The following ADCY8 variants were observed in gnomAD, a reference collection of about 807,000 sequenced individuals.
The protein encoded by ADCY8 is adenylate cyclase 8, also known as adenylate cyclase type 8.
A neutral mutation model predicts 119.7 loss-of-function variants in ADCY8; 51 were observed. The observed-to-expected ratio is 0.43, with a 90% CI of 0.34 to 0.54. The LOEUF is 0.54. ADCY8 is among the 20% of genes least tolerant of loss of function. The pLI, the probability that ADCY8 is intolerant of heterozygous loss-of-function variation, is 0.03. For synonymous variants in ADCY8, 665 were observed against 651.0 expected, an observed-to-expected ratio of 1.02 and a Z score of -0.33; for missense variants, 1,383 against 1,598.8, an observed-to-expected ratio of 0.87 and a Z score of 2.30.
At chr8:130,824,413 G>C (rs181119618) in intron 12 of ADCY8, among the ~76,000 whole-genome samples, 1 of 152,230 alleles carries the variant, frequency 6.6e-6, no homozygotes, top group East Asian at 1.9e-4. Flanking sequence ...GAACAGTGAA[G>C]ACTAGCTATC....
rs1401286743 is a variant in ADCY8, at chr8:130,903,900, G to A, written c.1783C>T (p.Leu595=). Residue 595 remains leucine (L), a synonymous_variant, in exon 7 of 18, where the codon CTG becomes TTG. Coordinates refer to ENST00000286355, the MANE Select transcript of ADCY8 (RefSeq NM_001115.3). The stretch of plus-strand genomic sequence containing the variant: ...TTGACGATATCTTCAGGCAAGGACA[G>A]CAGACTGTCCTCAGGCTGCTTAATT... ...YLIKQPEDSL[L]SLPEDIVKES... is the part of the protein sequence containing the mutation. The A allele has an allele frequency of 6.2e-7, 1 of 1,614,018 alleles. No homozygotes were observed. The highest frequency in any genetic ancestry group is 8.5e-7 in the Non-Finnish European group (1 of 1,180,016).
At chr8:130,876,715 G>C (rs115933756) in intron 8 of ADCY8, among the ~76,000 whole-genome samples, 2,003 of 145,678 alleles carry the variant, frequency 0.014, 54 homozygotes, top group African/African-American at 0.052. Context: ...GTGTGTGTAG[G>C]GGGGCAGGGG....
intron 12 of ADCY8, among the ~76,000 whole-genome samples, chr8:130,826,760 T>G (rs1816679874): frequency 1.5e-5 from 2 of 133,530 alleles, no homozygotes; most frequent in East Asian, 2.6e-4. Flanking sequence ...AATAAAGCGG[T>G]GGGTATTTGG....
chr8:130,933,768 C>A (rs999956626), intron 5 of ADCY8, among the ~76,000 whole-genome samples: 9 of 152,178 alleles, frequency 5.9e-5, no homozygotes, highest in Non-Finnish European at 1.3e-4. Context: ...CTCTAAGTAT[C>A]TTAAAGTATT....
chr8:130,857,270 G>T lies in ADCY8; in HGVS notation c.2211-7467C>A, dbSNP rs558744555. Among the ~76,000 whole-genome samples the T allele has an allele frequency of 2.2e-5, 3 of 137,048 alleles. No individual in the cohort carries two copies. The South Asian group carries it at 6.7e-4, about 31-fold the overall frequency. 89.9% of individuals were successfully genotyped at this position (137,048 alleles called of 152,430 possible). The stretch of plus-strand genomic sequence containing the variant: ...AATAAAAATAAAAATAAAAACAAAA[G>T]CCCATCCATGAGCCCTGTCCCAATG... On this transcript the variant is annotated intron_variant, in intron 9 of 17. Transcript: ENST00000286355.
intron 9 of ADCY8, among the ~76,000 whole-genome samples, chr8:130,859,793 T>C (rs1459796678): frequency 6.6e-6 from 1 of 152,224 alleles, no homozygotes; most frequent in African/African-American, 2.4e-5. Context: ...ACTTCATCTC[T>C]TTTATTCTCC....
chr8:130,798,917 A>G (rs1815676249), intron 15 of ADCY8, among the ~76,000 whole-genome samples: 2 of 152,152 alleles, frequency 1.3e-5, no homozygotes, highest in African/African-American at 2.4e-5. Flanking sequence ...CACCACACAC[A>G]TACACATATA....
intron 1 of ADCY8, among the ~76,000 whole-genome samples, chr8:131,009,696 T>A (rs142831572): frequency 2.5e-3 from 374 of 152,356 alleles, no homozygotes; most frequent in African/African-American, 8.7e-3. Flanking sequence ...GCTGTAAAGA[T>A]AATGCATTAG....
At chr8:130,882,123 T>TC (rs1818799103) in intron 8 of ADCY8, among the ~76,000 whole-genome samples, 2 of 151,006 alleles carry the variant, frequency 1.3e-5, no homozygotes. Flanking sequence ...TTGAGGTTTT[T>TC]TTTTTTTTTT....
intron 7 of ADCY8, among the ~76,000 whole-genome samples, chr8:130,887,040 T>C (rs1427048522): frequency 6.6e-6 from 1 of 152,130 alleles, no homozygotes; most frequent in Non-Finnish European, 1.5e-5. Context: ...GTCCTTTACA[T>C]TGAATACATT....
intron 2 of ADCY8, among the ~76,000 whole-genome samples, chr8:130,966,990 A>G (rs754116434): frequency 6.6e-6 from 1 of 152,186 alleles, no homozygotes; most frequent in Non-Finnish European, 1.5e-5. Flanking sequence ...TACCCAGAAA[A>G]TATAGGGGAA....
chr8:130,800,452 T>C lies in ADCY8; in HGVS notation c.3034A>G (p.Asn1012Asp). 1 of 1,614,210 alleles carries C rather than the reference T, an allele frequency of 6.2e-7. No homozygotes were observed. Among genetic ancestry groups the C allele is most frequent in the Non-Finnish European group, 8.5e-7 (1 of 1,180,044 alleles). ...TCATCGAAGTCAGCAATGATCTCAT[T>C]GAGCAAGCGCAGGCATTCCACTCCC... ...NQGVECLRLL[N>D]EIIADFDELL... The change falls in exon 15 of 18, where the codon AAT becomes GAT. Residue 1012 changes from asparagine to aspartate, a missense_variant. By Grantham distance (23) the Asn-to-Asp change is conservative. Around this residue, in one of 2 missense-constraint regions of ADCY8, gnomAD observed 928 missense variants for 1,163.5 expected, o/e 0.80. Coordinates refer to ENST00000286355, the MANE Select transcript of ADCY8 (RefSeq NM_001115.3).
At chr8:130,857,633 A>T (rs551188420) in intron 9 of ADCY8, among the ~76,000 whole-genome samples, 1 of 152,320 alleles carries the variant, frequency 6.6e-6, no homozygotes, top group African/African-American at 2.4e-5. Context: ...TGGCAAGACC[A>T]TAGGTGGTGT....
rs1453510545 is a variant in ADCY8, at chr8:131,039,661, C to T, written c.673G>A (p.Val225Met). The change falls in exon 1 of 18, where the codon GTG becomes ATG. Residue 225 changes from valine to methionine, a missense_variant. Coordinates refer to ENST00000286355, the MANE Select transcript of ADCY8 (RefSeq NM_001115.3). ...LLGFFTGIEV[V>M]ICALVVVRKD... The stretch of plus-strand genomic sequence containing the variant: ...CTGACCACCACCAGGGCGCAGATCA[C>T]TACCTCAATGCCGGTGAAGAAGCCC... 2 of 1,614,068 alleles carry T rather than the reference C, an allele frequency of 1.2e-6. No homozygotes were observed. Among genetic ancestry groups the T allele is most frequent in the Admixed American group, 1.7e-5 (1 of 60,008 alleles).
intron 15 of ADCY8, among the ~76,000 whole-genome samples, chr8:130,790,936 T>A (rs187037139): frequency 6.6e-5 from 10 of 152,316 alleles, no homozygotes; most frequent in Middle Eastern, 3.4e-3. Context: ...AGTAATCTCT[T>A]GATGATGTAG....
chr8:130,803,829 C>G (rs561110082), intron 14 of ADCY8, among the ~76,000 whole-genome samples: 3 of 152,348 alleles, frequency 2.0e-5, no homozygotes, highest in South Asian at 4.1e-4. Flanking sequence ...GATGGTGTCA[C>G]TGATTCATCA....
intron 8 of ADCY8, among the ~76,000 whole-genome samples, chr8:130,870,020 T>TC (rs1158167489): frequency 3.5e-5 from 5 of 144,656 alleles, no homozygotes; most frequent in African/African-American, 1.3e-4. Context: ...TTCTTCTTCT[T>TC]TTTTTTTTTT....
chr8:130,905,807 C>T (rs946092992), intron 6 of ADCY8, among the ~76,000 whole-genome samples: 1 of 152,106 alleles, frequency 6.6e-6, no homozygotes, highest in Non-Finnish European at 1.5e-5. Flanking sequence ...CTATAGTGAG[C>T]CGAGATCATG....
At chr8:131,012,033 A>T (rs1045694391) in intron 1 of ADCY8, among the ~76,000 whole-genome samples, 3 of 152,092 alleles carry the variant, frequency 2.0e-5, no homozygotes, top group Non-Finnish European at 4.4e-5. Flanking sequence ...ACTCCCAGGA[A>T]CCCATTTGGG....
Sources: allele counts gnomAD v4.1 joint callset (sites outside exome capture counted in the v4.1 genomes callset), GRCh38; gene constraint gnomAD v4.1.1; regional missense constraint gnomAD v4.1.1; transcripts MANE v1.5; gene names NCBI Gene and HGNC (gene_info 2026-07-23, HGNC 2026-07-21).